Variants in ARHGAP8 observed in about 807,000 individuals in gnomAD.
The protein encoded by ARHGAP8 is Rho GTPase activating protein 8.
Under a neutral mutation model 46.1 loss-of-function variants are expected in ARHGAP8, and 62 were observed. The observed-to-expected ratio is 1.34, with a 90% CI of 1.10 to 1.66. The LOEUF is 1.66. Ranked by LOEUF, ARHGAP8 falls within the 40% of genes most tolerant of loss-of-function variation. The probability of loss-of-function intolerance (pLI) is 0.00; values close to 1 mark genes in which losing one functional copy is unlikely to be tolerated. For synonymous variants in ARHGAP8, 375 were observed against 243.1 expected (o/e 1.54, Z -5.05); for missense variants, 923 against 568.4 (o/e 1.62, Z -6.34).
chr22:44,806,302 C>G (rs75089553), intron 3 of ARHGAP8, among the ~76,000 whole-genome samples: 7 of 152,282 alleles, frequency 4.6e-5, no homozygotes, highest in African/African-American at 1.7e-4. Context: ...CGAGACAGCA[C>G]TCTGGAAAAT....
intron 1 of ARHGAP8, among the ~76,000 whole-genome samples, chr22:44,758,310 T>C (rs1293770021): frequency 6.6e-6 from 1 of 152,120 alleles, no homozygotes; most frequent in Non-Finnish European, 1.5e-5. Context: ...TAAACCCAGC[T>C]ACTCGGGAGG....
rs1273889422 is a variant in ARHGAP8, at chr22:44,859,840, T to G, written c.981+6T>G. ...TCATGGGCTTCCTGCATGCGGTGAG[T>G]GGGGAAGGGGGGAGCTTGGGGTGAA... On this transcript the variant is annotated splice_donor_region_variant and intron_variant, in intron 11 of 11. Transcript: ENST00000356099. 8 of 1,612,772 alleles carry G rather than the reference T, an allele frequency of 5.0e-6. No individual in the cohort carries two copies. The highest frequency in any genetic ancestry group is 6.8e-6 in the Non-Finnish European group (8 of 1,179,546).
chr22:44,860,613 T>C (rs2070429150), intron 11 of ARHGAP8, among the ~76,000 whole-genome samples: 1 of 143,172 alleles, frequency 7.0e-6, no homozygotes, highest in Admixed American at 7.2e-5. Flanking sequence ...GTGGTCTATC[T>C]TAGAGGGGCC....
intron 1 of ARHGAP8, among the ~76,000 whole-genome samples, chr22:44,771,367 C>G (rs1410849111): frequency 1.3e-5 from 2 of 150,962 alleles, no homozygotes; most frequent in Admixed American, 6.7e-5. Context: ...CTGCCTCAGC[C>G]TCCCAAGTAG....
intron 7 of ARHGAP8, among the ~76,000 whole-genome samples, chr22:44,844,967 G>A (rs908175687): frequency 1.3e-4 from 20 of 152,158 alleles, no homozygotes; most frequent in African/African-American, 4.8e-4. Flanking sequence ...TCCTCTGGCA[G>A]GCTCCTACTC....
intron 3 of ARHGAP8, 62 bp from the exon 4 acceptor site, chr22:44,808,245 C>T: frequency 6.4e-7 from 1 of 1,571,422 alleles, no homozygotes; most frequent in Non-Finnish European, 8.6e-7. Flanking sequence ...ATAGGGAAAG[C>T]ACGTTTGGTT....
chr22:44,839,045 T>A (rs1931477209), intron 7 of ARHGAP8, among the ~76,000 whole-genome samples: 1 of 152,006 alleles, frequency 6.6e-6, no homozygotes, highest in African/African-American at 2.4e-5. Flanking sequence ...GGACAGGGTT[T>A]GAAAGGGTCT....
rs116592094 is a variant in ARHGAP8, at chr22:44,780,686, G to A, written c.-71-5771G>A. Among the ~76,000 whole-genome samples the A allele has an allele frequency of 3.2e-3, 485 of 152,218 alleles. 3 individuals are homozygous for A. Among genetic ancestry groups the A allele is most frequent in the African/African-American group, 0.011 (461 of 41,550 alleles). On this transcript the variant is annotated intron_variant, in intron 1 of 11. Transcript: ENST00000356099. ...CAAAATAAAATAAAATAGGTATTCA[G>A]TGAAAAGTCTTTCTTCCACCCCATC...
chr22:44,826,847 G>A (rs1204972807), intron 7 of ARHGAP8, among the ~76,000 whole-genome samples: 2 of 152,188 alleles, frequency 1.3e-5, no homozygotes, highest in African/African-American at 2.4e-5. Flanking sequence ...GTGGGCAGGG[G>A]CATTCCTGGG....
chr22:44,862,248 C>A, intron 11 of ARHGAP8, 27 bp from the exon 12 acceptor site: 1 of 1,568,308 alleles, frequency 6.4e-7, no homozygotes, highest in Non-Finnish European at 8.7e-7. Context: ...TGTTCACTCC[C>A]CTTTACTTGT....
At chr22:44,841,324 G>A (rs747671885) in intron 7 of ARHGAP8, among the ~76,000 whole-genome samples, 3 of 152,130 alleles carry the variant, frequency 2.0e-5, no homozygotes, top group South Asian at 4.1e-4. Context: ...TGTTTTCTGC[G>A]TGCTGGGGTC....
At chr22:44,786,712 G>A in intron 2 of ARHGAP8, 106 bp downstream of exon 2, 4 of 1,456,260 alleles carry the variant, frequency 2.7e-6, no homozygotes, top group Non-Finnish European at 3.7e-6. Context: ...CTGCAGCTGG[G>A]CAAGATTGAA....
intron 11 of ARHGAP8, among the ~76,000 whole-genome samples, chr22:44,860,192 G>A (rs901962329): frequency 7.2e-5 from 11 of 152,148 alleles, no homozygotes; most frequent in African/African-American, 1.7e-4. Context: ...AGAGCCCAGT[G>A]GACTGAGCTG....
At chr22:44,768,655 C>T (rs544432215) in intron 1 of ARHGAP8, among the ~76,000 whole-genome samples, 5 of 151,942 alleles carry the variant, frequency 3.3e-5, no homozygotes, top group African/African-American at 7.2e-5. Context: ...TCCTGTAAAC[C>T]GAACATTAGC....
intron 7 of ARHGAP8, among the ~76,000 whole-genome samples, chr22:44,837,712 G>A (rs2147145021): frequency 6.6e-6 from 1 of 152,252 alleles, no homozygotes; most frequent in South Asian, 2.1e-4. Context: ...GATGGGCAGG[G>A]GAGGAGAAAC....
rs761638111 is a variant in ARHGAP8 at position 44,862,563 on chromosome 22, A to C, written c.1270A>C (p.Ser424Arg). ...CCTCACCAAGCCTACCCTACCTCCG[A>C]GTCCCCTGATGGCAGCCAGAAGACG... ...TGLTKPTLPP[S>R]PLMAARRRL Residue 424 changes from serine (S) to arginine (R), a missense_variant, in exon 12 of 12, where the codon AGT becomes CGT. By Grantham distance (110) the Ser-to-Arg change is moderately radical. Transcript: ENST00000356099. 9.4e-6 allele frequency: 15 copies of C among 1,596,516 alleles called. No individual in the cohort carries two copies. Among genetic ancestry groups the C allele is most frequent in the Admixed American group, 8.4e-5 (5 of 59,226 alleles).
At chr22:44,822,746 G>C (rs1052498511) in intron 6 of ARHGAP8, among the ~76,000 whole-genome samples, 1 of 152,208 alleles carries the variant, frequency 6.6e-6, no homozygotes, top group African/African-American at 2.4e-5. Flanking sequence ...GGCAACGGCC[G>C]TTTGTTGCCT....
chr22:44,809,465 T>C (rs184576468), intron 4 of ARHGAP8: 8 of 345,730 alleles, frequency 2.3e-5, no homozygotes, highest in Admixed American at 1.9e-4. Context: ...TCACAGCCCT[T>C]TACAGTCTGC....
intron 7 of ARHGAP8, among the ~76,000 whole-genome samples, chr22:44,825,811 G>GA (rs1221061665): frequency 6.8e-6 from 1 of 146,532 alleles, no homozygotes; most frequent in African/African-American, 2.5e-5. Flanking sequence ...CTGGTTGGGG[G>GA]GCGCATGCTC....
Sources: allele counts gnomAD v4.1 joint callset (sites outside exome capture counted in the v4.1 genomes callset), GRCh38; gene constraint gnomAD v4.1.1; transcripts MANE v1.5; gene names NCBI Gene and HGNC (gene_info 2026-07-23, HGNC 2026-07-21).